Variants in ADGRL3 observed in about 807,000 individuals in gnomAD.
The protein encoded by ADGRL3 is adhesion G protein-coupled receptor L3.
A neutral mutation model predicts 153.5 loss-of-function variants in ADGRL3; 62 were observed. The ratio of observed to expected loss-of-function variants is 0.40; its 90% CI spans 0.33 to 0.50. The LOEUF is 0.50. Ranked by LOEUF, ADGRL3 falls within the 20% of genes least tolerant of loss-of-function variation. The probability of loss-of-function intolerance (pLI) is 0.47; values close to 1 mark genes in which losing one functional copy is unlikely to be tolerated. For synonymous variants in ADGRL3, 710 were observed against 672.5 expected, an observed-to-expected ratio of 1.06 and a Z score of -0.86; for missense variants, 1,641 against 1,859.4, an observed-to-expected ratio of 0.88 and a Z score of 2.16.
At chr4:61,511,937 A>G (rs766706418) in intron 3 of ADGRL3, among the ~76,000 whole-genome samples, 6 of 152,222 alleles carry the variant, frequency 3.9e-5, no homozygotes, top group Non-Finnish European at 8.8e-5. Context: ...TTATGCAGCT[A>G]TCATATACAC....
At chr4:61,670,762 C>G (rs1195079020) in intron 5 of ADGRL3, among the ~76,000 whole-genome samples, 1 of 152,094 alleles carries the variant, frequency 6.6e-6, no homozygotes, top group Non-Finnish European at 1.5e-5. Flanking sequence ...GGTAAAGTTC[C>G]CCCCAGGGGT....
chr4:61,807,390 G>A (rs987551199), intron 8 of ADGRL3, among the ~76,000 whole-genome samples: 59 of 150,602 alleles, frequency 3.9e-4, no homozygotes, highest in African/African-American at 1.3e-3. Flanking sequence ...TATTTGAGAC[G>A]TCATGGAATA....
chr4:61,311,199 T>C (rs2094990327), intron 1 of ADGRL3, among the ~76,000 whole-genome samples: 2 of 152,192 alleles, frequency 1.3e-5, no homozygotes, highest in Non-Finnish European at 2.9e-5. Context: ...CCATAAAGTT[T>C]GGTTTCTTGT....
intron 6 of ADGRL3, chr4:61,677,327 A>AT: frequency 2.7e-6 from 1 of 364,820 alleles, no homozygotes; most frequent in Non-Finnish European, 5.2e-6. Context: ...ATTTGATAGA[A>AT]TTGTATCTAA....
intron 1 of ADGRL3, among the ~76,000 whole-genome samples, chr4:61,341,915 T>A (rs1020856298): frequency 3.3e-5 from 5 of 152,178 alleles, no homozygotes; most frequent in African/African-American, 9.6e-5. Context: ...AATATTTTGT[T>A]AAATATTGCC....
intron 4 of ADGRL3, among the ~76,000 whole-genome samples, chr4:61,549,689 G>T (rs1358792246): frequency 2.0e-5 from 3 of 151,902 alleles, no homozygotes; most frequent in African/African-American, 7.2e-5. Flanking sequence ...TTTACCGTAA[G>T]ATTCAGGTCC....
intron 5 of ADGRL3, among the ~76,000 whole-genome samples, chr4:61,648,704 G>A (rs538032801): frequency 2.4e-4 from 37 of 152,074 alleles, no homozygotes; most frequent in Non-Finnish European, 4.4e-4. Flanking sequence ...TAATGAACAG[G>A]CAGAAAAATG....
At chr4:61,565,217 T>C (rs1489433830) in intron 4 of ADGRL3, among the ~76,000 whole-genome samples, 1 of 152,176 alleles carries the variant, frequency 6.6e-6, no homozygotes, top group Non-Finnish European at 1.5e-5. Context: ...TATGCCAGTG[T>C]ATGTATATAC....
chr4:61,671,738 A>G (rs1387944005), intron 5 of ADGRL3, among the ~76,000 whole-genome samples: 4 of 152,104 alleles, frequency 2.6e-5, no homozygotes, highest in East Asian at 1.9e-4. Flanking sequence ...AGATCATCAT[A>G]GTACTCTTGA....
At chr4:61,863,408 T>C (rs896414727) in intron 9 of ADGRL3, among the ~76,000 whole-genome samples, 1 of 151,334 alleles carries the variant, frequency 6.6e-6, no homozygotes, top group South Asian at 2.1e-4. Flanking sequence ...CGGCTAATTT[T>C]TTGTATTTTT....
chr4:61,414,471 T>G (rs1350843347), intron 2 of ADGRL3, among the ~76,000 whole-genome samples: 2 of 152,150 alleles, frequency 1.3e-5, no homozygotes, highest in African/African-American at 4.8e-5. Flanking sequence ...AAAATTTTAT[T>G]ATCTTAAATT....
chr4:61,750,276 C>G (rs2096737494), intron 8 of ADGRL3, among the ~76,000 whole-genome samples: 1 of 148,858 alleles, frequency 6.7e-6, no homozygotes, highest in Non-Finnish European at 1.5e-5. Flanking sequence ...GTAAGTCTAT[C>G]AATAATCATG....
At chr4:61,359,707 C>T (rs2096253096) in intron 1 of ADGRL3, among the ~76,000 whole-genome samples, 1 of 152,064 alleles carries the variant, frequency 6.6e-6, no homozygotes, top group African/African-American at 2.4e-5. Flanking sequence ...CTGAATCGTA[C>T]CTTGTATTTT....
At chr4:62,042,872 G>A (rs1375595498) in intron 24 of ADGRL3, among the ~76,000 whole-genome samples, 1 of 151,930 alleles carries the variant, frequency 6.6e-6, no homozygotes, top group East Asian at 1.9e-4. Context: ...GAATACCTTG[G>A]AAACCCTTTG....
At chr4:61,587,549 A>C in intron 5 of ADGRL3, 109 bp downstream of exon 5, 1 of 815,150 alleles carries the variant, frequency 1.2e-6, no homozygotes, top group Non-Finnish European at 1.9e-6. Context: ...ATTTTAGGAC[A>C]CTTCAAAATA....
intron 9 of ADGRL3, among the ~76,000 whole-genome samples, chr4:61,844,839 C>T (rs1256872305): frequency 6.6e-6 from 1 of 151,860 alleles, no homozygotes; most frequent in Non-Finnish European, 1.5e-5. Flanking sequence ...CCAGCTCCCT[C>T]ACTCCCTTCT....
At chr4:61,718,330 T>G (rs941102037) in intron 6 of ADGRL3, among the ~76,000 whole-genome samples, 3 of 152,150 alleles carry the variant, frequency 2.0e-5, no homozygotes, top group Non-Finnish European at 4.4e-5. Context: ...AGAAAACCCT[T>G]GGATTTATTT....
In ADGRL3 at chr4:61,362,561, A is replaced by G. The variant is rs1350573713; in HGVS notation, c.-239-20563A>G. Among the ~76,000 whole-genome samples, 32 of 152,262 alleles carry G rather than the reference A, an allele frequency of 2.1e-4. 1 individual carries two copies. The highest frequency in any genetic ancestry group is 7.2e-4 in the African/African-American group (30 of 41,568). On this transcript the variant is annotated intron_variant, in intron 1 of 26. Coordinates refer to ENST00000683033, the MANE Select transcript of ADGRL3 (RefSeq NM_001387552.1). ...ACATATTTTATAGGTTAGGTATTGT[A>G]TATTGTATTCTGAAAGTAAGCTGAA...
At chr4:61,715,706 A>G (rs971160715) in intron 6 of ADGRL3, among the ~76,000 whole-genome samples, 4 of 152,044 alleles carry the variant, frequency 2.6e-5, no homozygotes, top group Admixed American at 6.6e-5. Flanking sequence ...TATAGATGTG[A>G]TCTGGTTTGA....
Sources: allele counts gnomAD v4.1 joint callset (sites outside exome capture counted in the v4.1 genomes callset), GRCh38; gene constraint gnomAD v4.1.1; transcripts MANE v1.5; gene names NCBI Gene and HGNC (gene_info 2026-07-23, HGNC 2026-07-21).